Variants in TTC6 observed in about 807,000 individuals in gnomAD.
TTC6 encodes tetratricopeptide repeat domain 6.
TTC6 carries 172 observed loss-of-function variants against 210.4 expected under a neutral mutation model. The ratio of observed to expected loss-of-function variants is 0.82; its 90% confidence interval spans 0.72 to 0.93. The LOEUF (loss-of-function observed/expected upper bound fraction) is 0.93, where lower values mean the gene tolerates loss of function less well. Ranked by LOEUF, TTC6 falls within the 40% of genes least tolerant of loss-of-function variation. The probability of loss-of-function intolerance (pLI) is 0.00; values close to 1 mark genes in which losing one functional copy is unlikely to be tolerated. For synonymous variants in TTC6, 804 were observed against 819.6 expected, an observed-to-expected ratio of 0.98 and a Z score of 0.32; for missense variants, 2,414 against 2,318.1, an observed-to-expected ratio of 1.04 and a Z score of -0.85.
chr14:37,614,871 C>T (rs2095640211), intron 2 of TTC6, among the ~76,000 whole-genome samples: 1 of 152,136 alleles, frequency 6.6e-6, no homozygotes, highest in African/African-American at 2.4e-5. Context: ...TTCAGCCTCC[C>T]ACGTAACTGG....
At chr14:37,757,030 T>G (rs2095970050) in intron 14 of TTC6, among the ~76,000 whole-genome samples, 1 of 152,126 alleles carries the variant, frequency 6.6e-6, no homozygotes. Flanking sequence ...TTTCAGAACT[T>G]GTTATTGGTC....
intron 10 of TTC6, among the ~76,000 whole-genome samples, chr14:37,747,179 A>G (rs2139006443): frequency 6.6e-6 from 1 of 152,268 alleles, no homozygotes; most frequent in South Asian, 2.1e-4. Context: ...AAATTTTTAT[A>G]CCACCACATG....
intron 26 of TTC6, among the ~76,000 whole-genome samples, chr14:37,821,280 G>A (rs2096156461): frequency 2.0e-5 from 3 of 152,072 alleles, no homozygotes; most frequent in Admixed American, 6.6e-5. Context: ...TGTTGGGCAA[G>A]CTGGTCTTGA....
At chr14:37,680,355 C>T in intron 2 of TTC6, 94 bp downstream of exon 4, 1 of 789,276 alleles carries the variant, frequency 1.3e-6, no homozygotes, top group Non-Finnish European at 1.9e-6. Context: ...AAAAAAATTT[C>T]TCTGATGTAT....
At chr14:37,796,145 T>A (rs1205738437) in intron 18 of TTC6, 149 bp from the exon 21 acceptor site, 4 of 371,854 alleles carry the variant, frequency 1.1e-5, no homozygotes, top group Non-Finnish European at 2.0e-5. Flanking sequence ...TTAGTTTATA[T>A]AAAATGTCTA....
chr14:37,754,105 G>A (rs745526785), intron 14 of TTC6, among the ~76,000 whole-genome samples: 34 of 151,956 alleles, frequency 2.2e-4, no homozygotes, highest in Non-Finnish European at 4.6e-4. Flanking sequence ...TTTAAGTTCT[G>A]GGATACATGT....
intron 1 of TTC6, among the ~76,000 whole-genome samples, chr14:37,630,121 G>A (rs774345484): frequency 6.6e-6 from 1 of 152,020 alleles, no homozygotes; most frequent in Non-Finnish European, 1.5e-5. Context: ...TCTTCTGCTA[G>A]CTTTTAAATT....
chr14:37,689,221 A>G (rs2095799187), intron 3 of TTC6, among the ~76,000 whole-genome samples: 1 of 152,098 alleles, frequency 6.6e-6, no homozygotes, highest in South Asian at 2.1e-4. Context: ...GATCAAGCAG[A>G]AGGAATAATG....
chr14:37,724,686 A>G (rs889020437), intron 6 of TTC6, among the ~76,000 whole-genome samples: 1 of 152,154 alleles, frequency 6.6e-6, no homozygotes, highest in African/African-American at 2.4e-5. Context: ...AGCGTGTTCT[A>G]CAAATTTCCC....
chr14:37,767,447 C>T (rs561695684), intron 14 of TTC6, among the ~76,000 whole-genome samples: 11,608 of 152,098 alleles, frequency 0.076, 509 homozygotes, highest in Non-Finnish European at 0.12. Context: ...TTCTCCATAT[C>T]CTCTCCAGCA....
chr14:37,781,177 A>G (rs1442771884), intron 14 of TTC6, among the ~76,000 whole-genome samples: 1 of 152,172 alleles, frequency 6.6e-6, no homozygotes, highest in Non-Finnish European at 1.5e-5. Flanking sequence ...TGGTATTTCT[A>G]GTTCTAGATC....
At position 37,598,319 on chromosome 14, in the gene TTC6, G is replaced by C. The variant is rs971121473; in HGVS notation, c.-235+2311G>C. On this transcript the variant is annotated intron_variant, in intron 1 of 2. Coordinates refer to the TTC6 transcript ENST00000556845. This position sits in a 1 kb window ranked among gnomAD's most constrained non-coding sequence, Gnocchi z 4.9. ...GGTTAAACTTGCCTGTGTTTAAGAC[G>C]GGTCTGCGACAGCTTGGGGCGGTCC... 1.3e-5 allele frequency among the ~76,000 whole-genome samples: 2 copies of C among 152,164 alleles called. No individual in the cohort carries two copies. Among genetic ancestry groups the C allele is most frequent in the African/African-American group, 4.8e-5 (2 of 41,436 alleles).
At chr14:37,661,527 A>G (rs1428989744) in intron 1 of TTC6, among the ~76,000 whole-genome samples, 4 of 152,072 alleles carry the variant, frequency 2.6e-5, no homozygotes, top group African/African-American at 9.7e-5. Flanking sequence ...CCATTGGTCT[A>G]TGTGTCTGTT....
intron 13 of TTC6, among the ~76,000 whole-genome samples, chr14:37,751,823 C>CTTTT (rs71127240): frequency 0.037 from 4,666 of 125,454 alleles, 231 homozygotes; most frequent in Non-Finnish European, 0.058. Context: ...AGGAAATGAA[C>CTTTT]TTTTTTTTTT....
At chr14:37,641,349 G>T (rs1331299604) in intron 1 of TTC6, among the ~76,000 whole-genome samples, 1 of 152,176 alleles carries the variant, frequency 6.6e-6, no homozygotes, top group East Asian at 1.9e-4. Context: ...GGGTTTTAGG[G>T]ATGGGTAGAT....
exon 11 of TTC6, chr14:37,749,379 G>A (rs1452197605): frequency 6.9e-7 from 1 of 1,453,852 alleles, no homozygotes; most frequent in African/African-American, 1.4e-5. Flanking sequence ...AAGTTGCAGA[G>A]TGCCATGAAT....
At position 37,682,853 on chromosome 14, in the gene TTC6, A is replaced by AT; in HGVS notation, c.1149dup (p.Lys384Ter). 1 of 1,535,704 alleles carries AT rather than the reference A, an allele frequency of 6.5e-7. No individual in the cohort carries two copies. Among genetic ancestry groups the AT allele is most frequent in the Non-Finnish European group, 8.7e-7 (1 of 1,146,590 alleles). ...GACCCTCAGAAGCAGAAAGCATAGT[A>AT]TTTAAACCTCAGGAAATTTCGCAAG... On this transcript the variant is annotated frameshift_variant, in exon 3 of 31. Transcript: ENST00000553443. LOFTEE classifies it high-confidence loss of function.
At chr14:37,793,469 A>G (rs12435180) in intron 17 of TTC6, among the ~76,000 whole-genome samples, 138,347 of 152,054 alleles carry the variant, frequency 0.91, 63,865 homozygotes, top group Non-Finnish European at 1. Flanking sequence ...TGCCTCCATT[A>G]TCTACATCTC....
intron 29 of TTC6, among the ~76,000 whole-genome samples, chr14:37,829,464 A>G (rs1402659452): frequency 6.6e-6 from 1 of 151,964 alleles, no homozygotes; most frequent in East Asian, 1.9e-4. Context: ...CTCTTAGTTT[A>G]GTTTCTCTAC....
Sources: allele counts gnomAD v4.1 joint callset (sites outside exome capture counted in the v4.1 genomes callset), GRCh38; gene constraint gnomAD v4.1.1; non-coding constraint Gnocchi (gnomAD v3.1); transcripts MANE v1.5; gene names NCBI Gene and HGNC (gene_info 2026-07-23, HGNC 2026-07-21).